CHRNA6: variants seen among roughly 807,000 people sequenced by gnomAD.
The protein encoded by CHRNA6 is neuronal acetylcholine receptor subunit alpha-6.
CHRNA6 carries 31 observed loss-of-function variants against 40.9 expected under a neutral mutation model. The ratio of observed to expected loss-of-function variants is 0.76; its 90% confidence interval spans 0.57 to 1.02. The LOEUF is 1.02. Among genes scored for constraint, CHRNA6 ranks in the 50% least tolerant of loss-of-function variants. The probability of loss-of-function intolerance (pLI) is 0.00; values close to 1 mark genes in which losing one functional copy is unlikely to be tolerated. For missense variants in CHRNA6, 546 were observed against 596.6 expected, an observed-to-expected ratio of 0.92 and a Z score of 0.88; for synonymous variants, 222 against 221.3, an observed-to-expected ratio of 1.00 and a Z score of -0.03.
chr8:42,759,334 C>CTCTT, intron 2 of CHRNA6: 1 of 526,878 alleles, frequency 1.9e-6, no homozygotes, highest in East Asian at 3.2e-5. Context: ...TGGCTTTAAA[C>CTCTT]TCTTTCATAG....
At chr8:42,755,340 C>G (rs1267604165) in intron 5 of CHRNA6, among the ~76,000 whole-genome samples, 1 of 151,890 alleles carries the variant, frequency 6.6e-6, no homozygotes. Context: ...GCAGGGGCGC[C>G]ATGTCAGCTC....
At position 42,756,426 on chromosome 8, in the gene CHRNA6, G is replaced by T; in HGVS notation, c.773C>A (p.Thr258Asn). ...CGAAGGAAGGTAAAAGACCAACACG[G>T]TTAGAAATGAAATAAAGAGACAAGG... Reference protein sequence around the residue: ...IIPCLFISFLTVLVFYLPSDC... With the variant: ...IIPCLFISFLNVLVFYLPSDC... Residue 258 changes from threonine to asparagine, a missense_variant, in exon 5 of 6, where the codon ACC becomes AAC. Around this residue, in one of 3 missense-constraint regions of CHRNA6, gnomAD observed 476 missense variants for 494.5 expected, o/e 0.96. Coordinates refer to ENST00000276410, the MANE Select transcript of CHRNA6 (RefSeq NM_004198.3). 6.2e-7 allele frequency: 1 copy of T among 1,614,222 alleles called. No individual in the cohort carries two copies.
Position 42,756,187 on chromosome 8 carries a change from G to A in CHRNA6, c.1012C>T (p.Pro338Ser). The change falls in exon 5 of 6, where the codon CCC becomes TCC. Residue 338 changes from proline (P) to serine (S), a missense_variant. Physicochemically the swap from Pro to Ser is moderately conservative, Grantham distance 74 (BLOSUM62 -1). Coordinates refer to ENST00000276410, the MANE Select transcript of CHRNA6 (RefSeq NM_004198.3). ...AGGAAAACTGTCTTCACCCACCTGG[G>A]CATTGTGTGCGTGGTTGGGGTGCGG... ...HYRTPTTHTM[P>S]RWVKTVFLKL... The A allele has an allele frequency of 6.2e-7, 1 of 1,614,240 alleles. No individual in the cohort carries two copies. Among genetic ancestry groups the A allele is most frequent in the Non-Finnish European group, 8.5e-7 (1 of 1,180,042 alleles).
intron 2 of CHRNA6, among the ~76,000 whole-genome samples, chr8:42,760,548 ACT>A (rs755709137): frequency 1.3e-5 from 2 of 151,326 alleles, no homozygotes; most frequent in Non-Finnish European, 2.9e-5. Context: ...ACCCACTCAC[ACT>A]CAGGCACACT....
rs1421649387 is a variant in CHRNA6, at chr8:42,752,712, A to C, written c.*467T>G. The C allele has an allele frequency of 6.5e-6, 1 of 152,830 alleles. No individual in the cohort carries two copies. The highest frequency in any genetic ancestry group is 1.5e-5 in the Non-Finnish European group (1 of 68,604). The allele number at this position is 152,830 out of a possible 1,614,324, so 9.5% of individuals were successfully genotyped here. ...TTACAGAGACATGCACAAGAAATCA[A>C]GGATGCAATAGTTCACAAAGTGTTG... is the stretch of plus-strand genomic sequence containing the variant. On this transcript the variant is annotated 3_prime_UTR_variant, in exon 6 of 6. Transcript: ENST00000276410.
At position 42,753,305 on chromosome 8, in the gene CHRNA6, T is replaced by C. The variant is rs975298749; in HGVS notation, c.1359A>G (p.Glu453=). 3.1e-6 allele frequency: 5 copies of C among 1,600,826 alleles called. No individual in the cohort carries two copies. The Admixed American group carries it at 7.2e-5, about 23-fold the overall frequency. The change falls in exon 6 of 6, where the codon GAA becomes GAG. Residue 453 remains glutamate (E), a synonymous_variant. Coordinates refer to ENST00000276410, the MANE Select transcript of CHRNA6 (RefSeq NM_004198.3). Reference sequence around the variant, plus strand: ...CCATGGCCACGTATTTCCAGTCATCTTCTACCTGAAATGCAAACAAAAATT... The same window carrying C: ...CCATGGCCACGTATTTCCAGTCATCCTCTACCTGAAATGCAAACAAAAATT... ...MKSHNETKEV[E]DDWKYVAMVV...
At chr8:42,755,573 G>A (rs183118923) in intron 5 of CHRNA6, among the ~76,000 whole-genome samples, 18 of 152,252 alleles carry the variant, frequency 1.2e-4, no homozygotes, top group African/African-American at 3.4e-4. Context: ...CACCACGCCC[G>A]GCCCTGAATG....
At chr8:42,753,569 G>C (rs1192290100) in intron 5 of CHRNA6, among the ~76,000 whole-genome samples, 1 of 152,192 alleles carries the variant, frequency 6.6e-6, no homozygotes, top group East Asian at 1.9e-4. Flanking sequence ...AGCTACTCAG[G>C]AGTCTGAGGC....
rs140414997 is a variant in CHRNA6, at chr8:42,758,916, A to C, written c.264+153T>G. ...GTCTGCACCTGTGAAGCATGCATCAAGTCAGCTATTACCAGAGCTGAACTT... is the reference window on the plus strand; with the variant it reads ...GTCTGCACCTGTGAAGCATGCATCACGTCAGCTATTACCAGAGCTGAACTT... On this transcript the variant is annotated intron_variant, in intron 3 of 5. Coordinates refer to ENST00000276410, the MANE Select transcript of CHRNA6 (RefSeq NM_004198.3). Among the ~76,000 whole-genome samples the C allele has an allele frequency of 3.8e-3, 580 of 152,354 alleles. 3 individuals carry two copies. Among genetic ancestry groups the C allele is most frequent in the African/African-American group, 0.013 (545 of 41,580 alleles).
chr8:42,757,059 T>G (rs1221825544), intron 3 of CHRNA6, 22 bp from the exon 4 acceptor site: 2 of 1,568,242 alleles, frequency 1.3e-6, no homozygotes, highest in Admixed American at 1.7e-5. Context: ...AGAAATCAGC[T>G]TTTAAAATTT....
chr8:42,762,702 A>G (rs1281718461), intron 2 of CHRNA6, among the ~76,000 whole-genome samples: 2 of 152,174 alleles, frequency 1.3e-5, no homozygotes, highest in Non-Finnish European at 2.9e-5. Flanking sequence ...AGTACTACTC[A>G]GCAACAAGAA....
chr8:42,766,032 C>T (rs1020490908), intron 1 of CHRNA6, among the ~76,000 whole-genome samples: 6 of 152,080 alleles, frequency 3.9e-5, no homozygotes, highest in Non-Finnish European at 5.9e-5. Context: ...ACCTAGAACC[C>T]GAAATACCAT....
intron 5 of CHRNA6, among the ~76,000 whole-genome samples, chr8:42,754,702 G>T (rs1261842479): frequency 6.6e-6 from 1 of 152,158 alleles, no homozygotes; most frequent in Non-Finnish European, 1.5e-5. Context: ...AGTTTCAGAT[G>T]CCTTCCGCTA....
At chr8:42,762,658 A>G (rs576634456) in intron 2 of CHRNA6, among the ~76,000 whole-genome samples, 1 of 152,090 alleles carries the variant, frequency 6.6e-6, no homozygotes, top group Non-Finnish European at 1.5e-5. Flanking sequence ...CAAAAGCAAA[A>G]CAAAACAAAC....
Position 42,766,002 on chromosome 8 carries a change from G to A in CHRNA6, c.80-798C>T, listed in dbSNP as rs892117618. ...AATTAGTTCAACCATTGTGGGAGAT[G>A]ATGTGGGGATTCCTCAAACACCTAG... On this transcript the variant is annotated intron_variant, in intron 1 of 5. Coordinates refer to ENST00000276410, the MANE Select transcript of CHRNA6 (RefSeq NM_004198.3). 7.2e-5 allele frequency among the ~76,000 whole-genome samples: 11 copies of A among 152,190 alleles called. No individual in the cohort carries two copies. The East Asian group carries it at 2.1e-3, about 29-fold the overall frequency.
At chr8:42,758,083 T>G (rs1816837401) in intron 3 of CHRNA6, among the ~76,000 whole-genome samples, 1 of 152,152 alleles carries the variant, frequency 6.6e-6, no homozygotes, top group African/African-American at 2.4e-5. Flanking sequence ...TACATTCTTA[T>G]TTGAAGAATG....
At chr8:42,765,908 G>T (rs555996935) in intron 1 of CHRNA6, among the ~76,000 whole-genome samples, 3 of 152,276 alleles carry the variant, frequency 2.0e-5, no homozygotes, top group Non-Finnish European at 2.9e-5. Flanking sequence ...ATTAAAAAGT[G>T]AAGAAATAAC....
chr8:42,759,895 CAAA>C (rs796621742), intron 2 of CHRNA6, among the ~76,000 whole-genome samples: 15 of 99,402 alleles, frequency 1.5e-4, no homozygotes, highest in African/African-American at 1.3e-4. Flanking sequence ...GACTCCATCT[CAAA>C]AAAAAAAAAA....
At position 42,768,587 on chromosome 8, in the gene CHRNA6, C is replaced by T. The variant is rs1817003631; in HGVS notation, c.-157G>A. 6 of 562,834 alleles carry T rather than the reference C, an allele frequency of 1.1e-5. No individual in the cohort carries two copies. Among genetic ancestry groups the T allele is most frequent in the East Asian group, 2.8e-5 (1 of 35,390 alleles). 34.9% of individuals were successfully genotyped at this position (562,834 alleles called of 1,614,324 possible). ...ATCAAAACATCCCCGGGACTTCACA[C>T]GGTTATTACCAGGATCAGAGACTGA... On this transcript the variant is annotated 5_prime_UTR_variant, in exon 1 of 6. It adds an upstream start codon to the 5' untranslated region. Transcript: ENST00000276410.
Sources: gnomAD v4.1 joint callset for allele counts (sites outside exome capture counted in the v4.1 genomes callset) on GRCh38, gnomAD v4.1.1 for gene constraint, gnomAD v4.1.1 regional missense constraint, MANE v1.5 for transcripts, NCBI Gene and HGNC (gene_info 2026-07-23, HGNC 2026-07-21) for gene names.